Variants in BAIAP2L1 observed in about 807,000 individuals in gnomAD.
The protein encoded by BAIAP2L1 is BAR/IMD domain-containing adapter protein 2-like 1.
In BAIAP2L1, 35 loss-of-function variants were observed where a neutral mutation model predicts 66.3. The ratio of observed to expected loss-of-function variants is 0.53; its 90% CI spans 0.40 to 0.70. The LOEUF is 0.70. Among genes scored for constraint, BAIAP2L1 ranks in the 30% least tolerant of loss-of-function variants. The pLI, the probability that BAIAP2L1 is intolerant of heterozygous loss-of-function variation, is 0.00. For missense variants in BAIAP2L1, 622 were observed against 656.9 expected, an observed-to-expected ratio of 0.95 and a Z score of 0.58; for synonymous variants, 269 against 248.7, an observed-to-expected ratio of 1.08 and a Z score of -0.77.
rs142944204 is a variant in BAIAP2L1, at chr7:98,375,642, G to A, written c.52-13210C>T. On this transcript the variant is annotated intron_variant, in intron 1 of 13. Transcript: ENST00000005260. ...CAGGCACCTATAATCTCAGCTACTC[G>A]GGAGGCCGAGGCAGGAGAATCGCTT... Among the ~76,000 whole-genome samples, 27 of 151,680 alleles carry A rather than the reference G, an allele frequency of 1.8e-4. 1 individual carries two copies. In the East Asian group the frequency reaches 3.3e-3, roughly 19 times the overall value.
chr7:98,334,665 C>A (rs1483764010), intron 3 of BAIAP2L1, among the ~76,000 whole-genome samples: 2 of 151,900 alleles, frequency 1.3e-5, no homozygotes, highest in Admixed American at 6.6e-5. Flanking sequence ...TCTCAGCCTT[C>A]CGAGTAGCTG....
In BAIAP2L1 at chr7:98,312,165, T is replaced by G; in HGVS notation, c.739A>C (p.Lys247Gln). Residue 247 changes from lysine (K) to glutamine (Q), a missense_variant, in exon 8 of 14, where the codon AAG (lysine) becomes CAG (glutamine). Transcript: ENST00000005260. ...EKIMNMIEEIKTPASTPVSGT... is the reference protein window; with the variant it reads ...EKIMNMIEEIQTPASTPVSGT... ...GACACGGGGGTAGAGGCTGGGGTCT[T>G]TATTTCTTCGATCATATTCATGATT... 2 of 1,614,068 alleles carry G rather than the reference T, an allele frequency of 1.2e-6. No homozygotes were observed. The highest frequency in any genetic ancestry group is 1.7e-6 in the Non-Finnish European group (2 of 1,179,988).
chr7:98,393,153 ATG>A lies in BAIAP2L1; in HGVS notation c.51+7647_51+7648del, dbSNP rs1468997724. On this transcript the variant is annotated intron_variant, in intron 1 of 13. Transcript: ENST00000005260. ...TATACACACATATGTGTACATATATATGTACACATATATGTATATATATACAT... is the reference window on the plus strand; with the variant it reads ...TATACACACATATGTGTACATATATATACACATATATGTATATATATACAT... Among the ~76,000 whole-genome samples, 13 of 124,098 alleles carry A rather than the reference ATG, an allele frequency of 1.0e-4. 1 individual carries two copies. The highest frequency in any genetic ancestry group is 2.3e-4 in the East Asian group (1 of 4,346). 81.4% of individuals were successfully genotyped at this position (124,098 alleles called of 152,430 possible).
intron 9 of BAIAP2L1, chr7:98,308,715 T>C (rs1024228515): frequency 7.5e-5 from 13 of 172,976 alleles, no homozygotes; most frequent in Non-Finnish European, 1.5e-4. Context: ...TCTCACTCTG[T>C]TGCCCAGGCT....
At chr7:98,364,018 C>CTT (rs34058753) in intron 1 of BAIAP2L1, among the ~76,000 whole-genome samples, 5,229 of 149,518 alleles carry the variant, frequency 0.035, 100 homozygotes, top group Middle Eastern at 0.058. Context: ...TTTGAATATT[C>CTT]TTTTTTTTTT....
chr7:98,347,482 A>C (rs2115660734), intron 3 of BAIAP2L1, among the ~76,000 whole-genome samples: 1 of 152,290 alleles, frequency 6.6e-6, no homozygotes, highest in African/African-American at 2.4e-5. Flanking sequence ...GTACCACTTA[A>C]GAAATTAGAA....
chr7:98,398,154 T>C (rs1803261244), intron 1 of BAIAP2L1, among the ~76,000 whole-genome samples: 1 of 152,186 alleles, frequency 6.6e-6, no homozygotes, highest in South Asian at 2.1e-4. Flanking sequence ...TAAACACACC[T>C]GGTTGTGTTG....
At chr7:98,391,227 A>G (rs760362419) in intron 1 of BAIAP2L1, among the ~76,000 whole-genome samples, 1 of 152,112 alleles carries the variant, frequency 6.6e-6, no homozygotes, top group Non-Finnish European at 1.5e-5. Flanking sequence ...AGGAGGTGAA[A>G]TACTGGTTAG....
chr7:98,304,865 ATTT>A (rs11423233), intron 11 of BAIAP2L1, among the ~76,000 whole-genome samples: 5 of 136,318 alleles, frequency 3.7e-5, no homozygotes, highest in South Asian at 2.4e-4. Flanking sequence ...CTCACAAGAA[ATTT>A]TTTTTTTTTT....
intron 2 of BAIAP2L1, among the ~76,000 whole-genome samples, chr7:98,359,116 G>A (rs3801258): frequency 0.25 from 38,230 of 152,106 alleles, 5,057 homozygotes; most frequent in East Asian, 0.45. Flanking sequence ...GCAGGTGCAG[G>A]AGTGAGCCCG....
At chr7:98,394,734 A>C (rs1268685800) in intron 1 of BAIAP2L1, among the ~76,000 whole-genome samples, 2 of 152,208 alleles carry the variant, frequency 1.3e-5, no homozygotes, top group African/African-American at 4.8e-5. Context: ...CTGTGTCTCT[A>C]TCCAAGAGAA....
intron 3 of BAIAP2L1, among the ~76,000 whole-genome samples, chr7:98,321,669 TC>T (rs1801250927): frequency 6.6e-6 from 1 of 152,284 alleles, no homozygotes; most frequent in Non-Finnish European, 1.5e-5. Context: ...CAAACGGGTT[TC>T]CTAGGGTCTG....
chr7:98,340,345 T>C (rs980440803), intron 3 of BAIAP2L1, among the ~76,000 whole-genome samples: 1 of 152,188 alleles, frequency 6.6e-6, no homozygotes, highest in Non-Finnish European at 1.5e-5. Flanking sequence ...TGGAATGCAG[T>C]GGCCCAATCT....
intron 12 of BAIAP2L1, among the ~76,000 whole-genome samples, chr7:98,295,494 C>T (rs1013887969): frequency 7.2e-5 from 11 of 152,182 alleles, no homozygotes; most frequent in South Asian, 2.1e-4. Context: ...GCATGCTCTG[C>T]GATTATGATG....
chr7:98,294,249 T>G (rs1800092387), intron 12 of BAIAP2L1, 138 bp from the exon 13 acceptor site: 1 of 829,732 alleles, frequency 1.2e-6, no homozygotes, highest in Non-Finnish European at 1.9e-6. Context: ...CACCTTGGCC[T>G]CCTAATGTGC....
At chr7:98,306,165 C>T (rs750052047) in intron 11 of BAIAP2L1, among the ~76,000 whole-genome samples, 1 of 152,110 alleles carries the variant, frequency 6.6e-6, no homozygotes, top group Non-Finnish European at 1.5e-5. Flanking sequence ...TTGGGTTTAG[C>T]GACCAGGAGG....
At chr7:98,344,397 T>G (rs977427550) in intron 3 of BAIAP2L1, among the ~76,000 whole-genome samples, 62 of 152,242 alleles carry the variant, frequency 4.1e-4, no homozygotes, top group African/African-American at 1.4e-3. Context: ...ATCAATATTT[T>G]TCTATCACTT....
At chr7:98,339,401 TCTTA>T (rs1279178338) in intron 3 of BAIAP2L1, among the ~76,000 whole-genome samples, 9 of 152,242 alleles carry the variant, frequency 5.9e-5, no homozygotes, top group African/African-American at 2.2e-4. Context: ...TTGTTGGCAC[TCTTA>T]CTTTTAACAG....
At chr7:98,334,083 T>C (rs1801559215) in intron 3 of BAIAP2L1, among the ~76,000 whole-genome samples, 1 of 152,182 alleles carries the variant, frequency 6.6e-6, no homozygotes, top group Non-Finnish European at 1.5e-5. Context: ...GGGGGACTCA[T>C]AAGCTATTTT....
Sources: gnomAD v4.1 joint callset for allele counts (sites outside exome capture counted in the v4.1 genomes callset) on GRCh38, gnomAD v4.1.1 for gene constraint, MANE v1.5 for transcripts, NCBI Gene and HGNC (gene_info 2026-07-23, HGNC 2026-07-21) for gene names.